AXL: variants seen among roughly 807,000 people sequenced by gnomAD.
AXL encodes the protein tyrosine-protein kinase receptor UFO.
Under a neutral mutation model 104.5 loss-of-function variants are expected in AXL, and 52 were observed. The observed-to-expected ratio is 0.50, with a 90% CI of 0.40 to 0.63. AXL has a LOEUF of 0.63. Ranked by LOEUF, AXL falls within the 20% of genes least tolerant of loss-of-function variation. The probability of loss-of-function intolerance (pLI) is 0.00; values close to 1 mark genes in which losing one functional copy is unlikely to be tolerated. For missense variants in AXL, 1,024 were observed against 1,188.5 expected, an observed-to-expected ratio of 0.86 and a Z score of 2.04; for synonymous variants, 455 against 473.7, an observed-to-expected ratio of 0.96 and a Z score of 0.51.
At chr19:41,224,754 G>A (rs2033849105) in intron 4 of AXL, among the ~76,000 whole-genome samples, 1 of 152,078 alleles carries the variant, frequency 6.6e-6, no homozygotes, top group South Asian at 2.1e-4. Context: ...ATGTCACAGG[G>A]TAAGCATGTT....
Position 41,239,147 on chromosome 19 carries a change from ACTTCTGGAC to A in AXL, c.1135-14_1135-6del. The A allele has an allele frequency of 6.2e-7, 1 of 1,612,830 alleles. No individual in the cohort carries two copies. ...GGGGGTAAGGTTCTACCCTGATGCC[ACTTCTGGAC>A]CTCCTAGGTGCTAATGGACATAGGG... On this transcript the variant is annotated splice_polypyrimidine_tract_variant and splice_region_variant and intron_variant, in intron 8 of 19. Transcript: ENST00000301178.
chr19:41,227,131 A>G (rs1288303600), intron 4 of AXL, among the ~76,000 whole-genome samples: 2 of 151,952 alleles, frequency 1.3e-5, no homozygotes, highest in African/African-American at 4.8e-5. Flanking sequence ...TCCTTCTTAC[A>G]TCCTAGCGCA....
At chr19:41,231,094 T>G in intron 5 of AXL, 47 bp downstream of exon 5, 1 of 1,612,232 alleles carries the variant, frequency 6.2e-7, no homozygotes, top group Non-Finnish European at 8.5e-7. Flanking sequence ...GGGTGGGGTT[T>G]GGGTCCGGGG....
intron 17 of AXL, among the ~76,000 whole-genome samples, chr19:41,254,930 T>C (rs1354215099): frequency 6.6e-6 from 1 of 152,178 alleles, no homozygotes; most frequent in African/African-American, 2.4e-5. Context: ...AATTGATGTA[T>C]ATTTTACATA....
intron 4 of AXL, chr19:41,226,792 C>G (rs2033889436): frequency 2.0e-6 from 2 of 985,678 alleles, no homozygotes; most frequent in Non-Finnish European, 2.4e-6. Context: ...TGCAGTCGCA[C>G]TTACAAGACT....
At chr19:41,238,230 C>G in intron 7 of AXL, 76 bp downstream of exon 7, 3 of 1,530,952 alleles carry the variant, frequency 2.0e-6, no homozygotes, top group Non-Finnish European at 1.8e-6. Context: ...CCCCATTGTC[C>G]CCTTTCACTC....
Position 41,259,565 on chromosome 19 carries a change from G to A in AXL, c.2346G>A (p.Met782Ile), listed in dbSNP as rs771960018. Residue 782 changes from methionine (M) to isoleucine (I), a missense_variant, in exon 20 of 20, where the codon ATG becomes ATA. Physicochemically the swap from Met to Ile is conservative, Grantham distance 10. Around this residue, in one of 5 missense-constraint regions of AXL, gnomAD observed 523 missense variants for 636.0 expected, o/e 0.82. Transcript: ENST00000301178. ...ADCLDGLYAL[M>I]SRCWELNPQD... The stretch of plus-strand genomic sequence containing the variant: ...TTTGCTGCCCTAGGTATGCCTTGAT[G>A]TCGCGGTGCTGGGAGCTAAATCCCC... 3.1e-6 allele frequency: 5 copies of A among 1,603,702 alleles called. No individual in the cohort carries two copies. In the South Asian group the frequency reaches 5.6e-5, roughly 18 times the overall value.
intron 7 of AXL, 35 bp downstream of exon 7, chr19:41,238,189 C>T: frequency 1.2e-6 from 2 of 1,603,744 alleles, no homozygotes; most frequent in Non-Finnish European, 1.7e-6. Context: ...GTCACCACTG[C>T]CCCACCGGAC....
intron 3 of AXL, 197 bp from the exon 4 acceptor site, chr19:41,221,683 G>C: frequency 1.7e-6 from 1 of 585,220 alleles, no homozygotes; most frequent in Middle Eastern, 4.5e-4. Context: ...ATCGTGGGGG[G>C]TCTGACATGG....
At chr19:41,255,386 T>G (rs955303527) in intron 17 of AXL, among the ~76,000 whole-genome samples, 13 of 150,570 alleles carry the variant, frequency 8.6e-5, no homozygotes, top group Non-Finnish European at 1.5e-4. Context: ...CTTTATCTCC[T>G]TCCTTCCTTC....
chr19:41,220,282 G>T, intron 1 of AXL: 1 of 222,658 alleles, frequency 4.5e-6, no homozygotes. Flanking sequence ...CCCAACCCCT[G>T]ATTCTTCCCC....
chr19:41,252,623 C>G (rs186172872), intron 15 of AXL, among the ~76,000 whole-genome samples, 180 bp downstream of exon 15: 38 of 152,304 alleles, frequency 2.5e-4, no homozygotes, highest in African/African-American at 8.7e-4. Flanking sequence ...TCTGATCATT[C>G]CCAGAAATAG....
chr19:41,236,160 G>A (rs1438361252), intron 6 of AXL, among the ~76,000 whole-genome samples: 2 of 151,432 alleles, frequency 1.3e-5, no homozygotes, highest in East Asian at 2.0e-4. Context: ...ATGAAACCTC[G>A]TCTCTACTAA....
chr19:41,234,059 G>T (rs1186326629), intron 6 of AXL, among the ~76,000 whole-genome samples: 2 of 151,936 alleles, frequency 1.3e-5, no homozygotes, highest in East Asian at 1.9e-4. Flanking sequence ...GTCACTGCAG[G>T]TCAGAGAGCA....
In AXL at chr19:41,222,006, C is replaced by G. The variant is rs201959501; in HGVS notation, c.536C>G (p.Pro179Arg). 6.2e-7 allele frequency: 1 copy of G among 1,606,380 alleles called. No individual in the cohort carries two copies. Among genetic ancestry groups the G allele is most frequent in the Non-Finnish European group, 8.5e-7 (1 of 1,177,140 alleles). Residue 179 changes from proline (P) to arginine (R), a missense_variant, in exon 4 of 20, where the codon CCC becomes CGC. This residue lies in a region of AXL where 332 missense variants were observed against 343.9 expected (regional missense o/e 0.97). Coordinates refer to ENST00000301178, the MANE Select transcript of AXL (RefSeq NM_021913.5). ...CTACTCTGGCTCCAGGATGCTGTCC[C>G]CCTGGCCACGGCTCCAGGTCACGGC... ...VDLLWLQDAV[P>R]LATAPGHGPQ...
intron 4 of AXL, among the ~76,000 whole-genome samples, chr19:41,227,327 AGATT>A (rs1320746406): frequency 6.6e-5 from 10 of 152,218 alleles, no homozygotes; most frequent in Middle Eastern, 3.4e-3. Flanking sequence ...TTTCGCAGAT[AGATT>A]GTTTTCTTAC....
In AXL at chr19:41,222,036, A is replaced by C; in HGVS notation, c.566A>C (p.Gln189Pro). 1.3e-6 allele frequency: 2 copies of C among 1,585,574 alleles called. No individual in the cohort carries two copies. Among genetic ancestry groups the C allele is most frequent in the Non-Finnish European group, 8.6e-7 (1 of 1,168,114 alleles). Reference sequence around the variant, plus strand: ...GCCACGGCTCCAGGTCACGGCCCCCAGCGCAGCCTGCATGTTCCAGGTGAG... The same window carrying C: ...GCCACGGCTCCAGGTCACGGCCCCCCGCGCAGCCTGCATGTTCCAGGTGAG... ...PLATAPGHGP[Q>P]RSLHVPGLNK... Residue 189 changes from glutamine (Q) to proline (P), a missense_variant, in exon 4 of 20, where the codon CAG (glutamine) becomes CCG (proline). Physicochemically the swap from Gln to Pro is moderately conservative, Grantham distance 76 (BLOSUM62 -1). This residue lies in a region of AXL where 332 missense variants were observed against 343.9 expected (regional missense o/e 0.97). Coordinates refer to ENST00000301178, the MANE Select transcript of AXL (RefSeq NM_021913.5).
chr19:41,245,767 T>C (rs2034261684), intron 12 of AXL, among the ~76,000 whole-genome samples: 1 of 139,838 alleles, frequency 7.2e-6, no homozygotes, highest in Non-Finnish European at 1.6e-5. Context: ...GAAACTGAAA[T>C]CCAGAAAGAA....
intron 17 of AXL, among the ~76,000 whole-genome samples, chr19:41,254,480 C>T (rs1049794892): frequency 6.6e-6 from 1 of 151,288 alleles, no homozygotes; most frequent in Middle Eastern, 3.4e-3. Flanking sequence ...ATTGCTTGAG[C>T]CTCGAGACCA....
Sources: gnomAD v4.1 joint callset for allele counts (sites outside exome capture counted in the v4.1 genomes callset) on GRCh38, gnomAD v4.1.1 for gene constraint, gnomAD v4.1.1 regional missense constraint, MANE v1.5 for transcripts, NCBI Gene and HGNC (gene_info 2026-07-23, HGNC 2026-07-21) for gene names.